Variants in FRRS1L observed in about 807,000 individuals in gnomAD.
FRRS1L encodes ferric chelate reductase 1 like, also known as DOMON domain-containing protein FRRS1L.
Under a neutral mutation model 28.6 loss-of-function variants are expected in FRRS1L, and 22 were observed. The observed-to-expected ratio is 0.77, with a 90% CI of 0.55 to 1.10. The LOEUF (loss-of-function observed/expected upper bound fraction) is 1.10, where lower values mean the gene tolerates loss of function less well. FRRS1L is among the 50% of genes least tolerant of loss of function. The pLI is 0.00. For synonymous variants in FRRS1L, 158 were observed against 151.4 expected (o/e 1.04, Z -0.32); for missense variants, 380 against 386.9 (o/e 0.98, Z 0.15).
Position 109,147,192 on chromosome 9 carries a change from A to G in FRRS1L, c.324-3T>C, listed in dbSNP as rs1564231348. ...CATTACAGCCTGGTTTGCCATATCT[A>G]GAAGAGATATCGAAAGAGACTTTAC... On this transcript the variant is annotated splice_polypyrimidine_tract_variant and splice_region_variant and intron_variant, in intron 2 of 4. Coordinates refer to ENST00000561981, the MANE Select transcript of FRRS1L (RefSeq NM_014334.4). The G allele has an allele frequency of 1.2e-6, 2 of 1,610,066 alleles. No homozygotes were observed. Among genetic ancestry groups the G allele is most frequent in the African/African-American group, 2.7e-5 (2 of 74,966 alleles).
chr9:109,166,357 G>A (rs1831549144), intron 1 of FRRS1L, among the ~76,000 whole-genome samples: 1 of 152,162 alleles, frequency 6.6e-6, no homozygotes, highest in African/African-American at 2.4e-5. Flanking sequence ...ATGGGAGTGG[G>A]GAGGCTGATG....
intron 4 of FRRS1L, chr9:109,137,899 C>A: frequency 2.1e-5 from 4 of 193,086 alleles, no homozygotes; most frequent in Admixed American, 6.1e-5. Flanking sequence ...TGTTTCCTGC[C>A]ATCTCAATTT....
intron 1 of FRRS1L, among the ~76,000 whole-genome samples, chr9:109,154,234 C>G (rs552570378): frequency 1.3e-5 from 2 of 152,328 alleles, no homozygotes; most frequent in South Asian, 4.1e-4. Context: ...AAGCCCTTCT[C>G]TTTGCAACTC....
At chr9:109,165,993 T>C (rs867286510) in intron 1 of FRRS1L, among the ~76,000 whole-genome samples, 3 of 152,252 alleles carry the variant, frequency 2.0e-5, no homozygotes, top group Non-Finnish European at 2.9e-5. Flanking sequence ...GAGAAACTTC[T>C]ATCTTGTTGA....
chr9:109,133,152 C>A lies in FRRS1L; in HGVS notation c.*4303G>T, dbSNP rs767378781. 42 of 152,254 alleles carry A rather than the reference C, an allele frequency of 2.8e-4. No homozygotes were observed. The highest frequency in any genetic ancestry group is 1.8e-3 in the Admixed American group (27 of 15,298). 9.4% of individuals were successfully genotyped at this position (152,254 alleles called of 1,614,324 possible). A position where few individuals can be genotyped will look rare whatever the true frequency, so the allele number is the denominator to read the frequency against. ...CTATCTGAAATCATGTTTATATATT[C>A]ACCTTTTGACTCAGCGGAGCAATAA... On this transcript the variant is annotated 3_prime_UTR_variant, in exon 5 of 5. Coordinates refer to ENST00000561981, the MANE Select transcript of FRRS1L (RefSeq NM_014334.4).
intron 1 of FRRS1L, 27 bp downstream of exon 1, chr9:109,166,874 C>G (rs1420844108): frequency 8.4e-7 from 1 of 1,195,816 alleles, no homozygotes; most frequent in African/African-American, 1.6e-5. Context: ...TCCCCTCCCG[C>G]AACCCCTCGC....
intron 3 of FRRS1L, among the ~76,000 whole-genome samples, chr9:109,144,377 T>G (rs1831227511): frequency 1.3e-5 from 2 of 152,076 alleles, no homozygotes; most frequent in African/African-American, 2.4e-5. Flanking sequence ...CAGTGCTACT[T>G]TTTTTCTTTT....
chr9:109,158,594 G>A (rs1831439383), intron 1 of FRRS1L, among the ~76,000 whole-genome samples: 1 of 152,056 alleles, frequency 6.6e-6, no homozygotes, highest in African/African-American at 2.4e-5. Context: ...TACAACATGT[G>A]GTCTTTTGTG....
At chr9:109,137,904 C>A in intron 4 of FRRS1L, 19 of 182,994 alleles carry the variant, frequency 1.0e-4, no homozygotes, top group East Asian at 1.2e-4. Flanking sequence ...CCTGCCATCT[C>A]AATTTTAAAA....
chr9:109,167,173 G>C lies in FRRS1L; in HGVS notation c.-35C>G. 1.7e-6 allele frequency: 2 copies of C among 1,150,466 alleles called. No individual in the cohort carries two copies. Among genetic ancestry groups the C allele is most frequent in the Non-Finnish European group, 2.1e-6 (2 of 939,078 alleles). The allele number at this position is 1,150,466 out of a possible 1,614,324, so 71.3% of individuals were successfully genotyped here. A position where few individuals can be genotyped will look rare whatever the true frequency, so the allele number is the denominator to read the frequency against. On this transcript the variant is annotated 5_prime_UTR_variant, in exon 1 of 5. Transcript: ENST00000561981. ...CAGATCCCGCAGCCAGGCCGCTCGG[G>C]CCGCAGCGGGGGCGCCGCGGGCGCG...
At chr9:109,166,874 C>T (rs1420844108) in intron 1 of FRRS1L, 27 bp downstream of exon 1, 5 of 1,195,706 alleles carry the variant, frequency 4.2e-6, no homozygotes, top group Non-Finnish European at 5.3e-6. Context: ...TCCCCTCCCG[C>T]AACCCCTCGC....
In FRRS1L at chr9:109,133,323, C is replaced by T. The variant is rs984418142; in HGVS notation, c.*4132G>A. ...TAAAATGACTGGTAAAATAAAGAAT[C>T]AAAATGCTTTTAAGCAGAAAAGAAA... On this transcript the variant is annotated 3_prime_UTR_variant, in exon 5 of 5. Transcript: ENST00000561981. 6.6e-6 allele frequency: 1 copy of T among 152,100 alleles called. No individual in the cohort carries two copies. The highest frequency in any genetic ancestry group is 2.4e-5 in the African/African-American group (1 of 41,424). 9.4% of individuals were successfully genotyped at this position (152,100 alleles called of 1,614,324 possible).
In FRRS1L at chr9:109,135,025, C is replaced by T. The variant is rs980762911; in HGVS notation, c.*2430G>A. 2.0e-5 allele frequency: 3 copies of T among 152,202 alleles called. No individual in the cohort carries two copies. The highest frequency in any genetic ancestry group is 2.0e-4 in the Admixed American group (3 of 15,284). 9.4% of individuals were successfully genotyped at this position (152,202 alleles called of 1,614,324 possible). On this transcript the variant is annotated 3_prime_UTR_variant, in exon 5 of 5. Coordinates refer to ENST00000561981, the MANE Select transcript of FRRS1L (RefSeq NM_014334.4). ...TTGATGTCATTTAATTTCTCCCCAT[C>T]TGCAATGAACAGAATTTCTCCTCCA...
chr9:109,144,176 T>C (rs779342335), intron 3 of FRRS1L, among the ~76,000 whole-genome samples: 41 of 152,144 alleles, frequency 2.7e-4, no homozygotes, highest in Middle Eastern at 3.4e-3. Flanking sequence ...TAGACTAATA[T>C]CTATCCATGC....
rs1027990479 is a variant in FRRS1L, at chr9:109,132,534, A to G, written c.*4921T>C. On this transcript the variant is annotated 3_prime_UTR_variant, in exon 5 of 5. Coordinates refer to ENST00000561981, the MANE Select transcript of FRRS1L (RefSeq NM_014334.4). ...CAACAATAATTTATTTTAAAAGCAA[A>G]TTATTCACTAACTTTGATATTCTTA... 1.3e-5 allele frequency: 2 copies of G among 152,230 alleles called. No individual in the cohort carries two copies. Among genetic ancestry groups the G allele is most frequent in the African/African-American group, 2.4e-5 (1 of 41,452 alleles). 9.4% of individuals were successfully genotyped at this position (152,230 alleles called of 1,614,324 possible).
chr9:109,153,202 G>A lies in FRRS1L; in HGVS notation c.239-3482C>T, dbSNP rs989026794. ...TACACCTGAGTTTATGCTGAGCAAC[G>A]GGATGACTAAGAATAGAGGCTGGTC... On this transcript the variant is annotated intron_variant, in intron 1 of 4. Coordinates refer to ENST00000561981, the MANE Select transcript of FRRS1L (RefSeq NM_014334.4). Among the ~76,000 whole-genome samples, 9 of 152,072 alleles carry A rather than the reference G, an allele frequency of 5.9e-5. No individual in the cohort carries two copies. The East Asian group carries it at 7.7e-4, about 13-fold the overall frequency.
chr9:109,161,821 C>A (rs56372115), intron 1 of FRRS1L, among the ~76,000 whole-genome samples: 30,198 of 152,070 alleles, frequency 0.2, 3,237 homozygotes, highest in Middle Eastern at 0.23. Context: ...CAGTCTCTTT[C>A]CCGACGGCCT....
At chr9:109,149,534 C>A in intron 2 of FRRS1L, 102 bp downstream of exon 2, 1 of 756,028 alleles carries the variant, frequency 1.3e-6, no homozygotes, top group Admixed American at 2.4e-5. Flanking sequence ...GATCAAGGAG[C>A]TCAGGCCCCC....
In FRRS1L at chr9:109,133,046, G is replaced by A. The variant is rs1003979054; in HGVS notation, c.*4409C>T. On this transcript the variant is annotated 3_prime_UTR_variant, in exon 5 of 5. Coordinates refer to ENST00000561981, the MANE Select transcript of FRRS1L (RefSeq NM_014334.4). ...AATAGTAGTAAATACCATCTAGGAT[G>A]GAAATCCATTCCTGAGTTGTCCAAA... is the stretch of plus-strand genomic sequence containing the variant. 5 of 152,256 alleles carry A rather than the reference G, an allele frequency of 3.3e-5. No individual in the cohort carries two copies. Among genetic ancestry groups the A allele is most frequent in the South Asian group, 2.1e-4 (1 of 4,820 alleles). 9.4% of individuals were successfully genotyped at this position (152,256 alleles called of 1,614,324 possible).
Sources: gnomAD v4.1 joint callset for allele counts (sites outside exome capture counted in the v4.1 genomes callset) on GRCh38, gnomAD v4.1.1 for gene constraint, MANE v1.5 for transcripts, NCBI Gene and HGNC (gene_info 2026-07-23, HGNC 2026-07-21) for gene names.